The following HPCAL1 variants were observed in gnomAD, a reference collection of about 807,000 sequenced individuals.
HPCAL1 encodes hippocalcin like 1.
A neutral mutation model predicts 17.1 loss-of-function variants in HPCAL1; 8 were observed. The ratio of observed to expected loss-of-function variants is 0.47; its 90% confidence interval spans 0.27 to 0.84. The LOEUF (loss-of-function observed/expected upper bound fraction) is 0.84. HPCAL1 is among the 40% of genes least tolerant of loss of function. The pLI, the probability that HPCAL1 is intolerant of heterozygous loss-of-function variation, is 0.13. For missense variants in HPCAL1, 165 were observed against 271.1 expected (o/e 0.61, Z 2.75); for synonymous variants, 112 against 111.4 (o/e 1.01, Z -0.03).
At position 10,304,349 on chromosome 2, in the gene HPCAL1, C is replaced by A. The variant is rs1292175258; in HGVS notation, c.-111+1172C>A. On this transcript the variant is annotated intron_variant, in intron 1 of 4. Coordinates refer to ENST00000307845, the MANE Select transcript of HPCAL1 (RefSeq NM_002149.4). This position sits in a 1 kb window ranked among gnomAD's most constrained non-coding sequence, Gnocchi z 4.1. ...CGGCGTAAAATTGGCGCTTCCCGCA[C>A]ATGCAGATCTCGGGCTCCCGGGGTG... Among the ~76,000 whole-genome samples the A allele has an allele frequency of 6.6e-6, 1 of 152,242 alleles. No individual in the cohort carries two copies. Among genetic ancestry groups the A allele is most frequent in the East Asian group, 1.9e-4 (1 of 5,182 alleles).
Position 10,427,058 on chromosome 2 carries a change from A to C in HPCAL1, c.*237A>C, listed in dbSNP as rs1453993076. On this transcript the variant is annotated 3_prime_UTR_variant, in exon 5 of 5. Coordinates refer to ENST00000307845, the MANE Select transcript of HPCAL1 (RefSeq NM_002149.4). ...GGGCAACTCCCAGGGATGTGGTGAC[A>C]TGCAGGGTTCAAGTGTTCTTGGTTC... 12 of 537,864 alleles carry C rather than the reference A, an allele frequency of 2.2e-5. No homozygotes were observed. The South Asian group carries it at 2.2e-4, about 10-fold the overall frequency. The allele number at this position is 537,864 out of a possible 1,614,324, so 33.3% of individuals were successfully genotyped here. A position where few individuals can be genotyped will look rare whatever the true frequency, so the allele number is the denominator to read the frequency against.
chr2:10,357,681 T>C (rs1666250111), intron 1 of HPCAL1, among the ~76,000 whole-genome samples: 1 of 152,180 alleles, frequency 6.6e-6, no homozygotes, highest in Non-Finnish European at 1.5e-5. Flanking sequence ...GAGGTGTTTG[T>C]AGAACAGTTA....
Position 10,395,319 on chromosome 2 carries a change from C to A in HPCAL1, c.-110-1516C>A, listed in dbSNP as rs1003576803. 5.9e-5 allele frequency among the ~76,000 whole-genome samples: 9 copies of A among 152,146 alleles called. No individual in the cohort carries two copies. The highest frequency in any genetic ancestry group is 2.2e-4 in the African/African-American group (9 of 41,424). On this transcript the variant is annotated intron_variant, in intron 1 of 4. Transcript: ENST00000307845. This position sits in a 1 kb window ranked among gnomAD's most constrained non-coding sequence, Gnocchi z 4.4. ...TAGAAATTTAACTCTGAGCAAGATA[C>A]ACCCTATTTCCAATCACACGTGATG...
Position 10,404,017 on chromosome 2 carries a change from TC to T in HPCAL1, c.-25+7098del, listed in dbSNP as rs533074140. On this transcript the variant is annotated intron_variant, in intron 2 of 4. Coordinates refer to ENST00000307845, the MANE Select transcript of HPCAL1 (RefSeq NM_002149.4). ...GTTAATGTACCCATTTGTTCCATATTCTGTTTGTTCTTTATTGCTCTATACA... is the reference window on the plus strand; with the variant it reads ...GTTAATGTACCCATTTGTTCCATATTTGTTTGTTCTTTATTGCTCTATACA... Among the ~76,000 whole-genome samples, 799 of 152,280 alleles carry T rather than the reference TC, an allele frequency of 5.2e-3. 8 individuals carry two copies. Among genetic ancestry groups the T allele is most frequent in the African/African-American group, 0.018 (757 of 41,544 alleles).
intron 1 of HPCAL1, among the ~76,000 whole-genome samples, chr2:10,327,040 G>T (rs1412591751): frequency 1.3e-5 from 2 of 152,198 alleles, no homozygotes; most frequent in Non-Finnish European, 2.9e-5. Flanking sequence ...GCCAGAGCAT[G>T]TTGAAGTGAC....
At chr2:10,381,189 A>T (rs1558502598) in intron 1 of HPCAL1, among the ~76,000 whole-genome samples, 3 of 152,216 alleles carry the variant, frequency 2.0e-5, no homozygotes, top group Admixed American at 2.0e-4. Flanking sequence ...CAGGAGATGC[A>T]TGTATCTGTG....
chr2:10,385,973 A>C (rs1285942414), intron 1 of HPCAL1, among the ~76,000 whole-genome samples: 2 of 151,998 alleles, frequency 1.3e-5, no homozygotes, highest in Non-Finnish European at 2.9e-5. Context: ...CTGGCCACTG[A>C]GCATGTGCTG....
chr2:10,304,322 C>T lies in HPCAL1; in HGVS notation c.-111+1145C>T, dbSNP rs1662474427. Among the ~76,000 whole-genome samples the T allele has an allele frequency of 6.6e-6, 1 of 152,234 alleles. No individual in the cohort carries two copies. Among genetic ancestry groups the T allele is most frequent in the African/African-American group, 2.4e-5 (1 of 41,474 alleles). On this transcript the variant is annotated intron_variant, in intron 1 of 4. Coordinates refer to ENST00000307845, the MANE Select transcript of HPCAL1 (RefSeq NM_002149.4). This position sits in a 1 kb window ranked among gnomAD's most constrained non-coding sequence, Gnocchi z 4.1. Reference sequence around the variant, plus strand: ...AGCTCAGCTCGTGGAGTCCGAGAGTCACGGCGTAAAATTGGCGCTTCCCGC... The same window carrying T: ...AGCTCAGCTCGTGGAGTCCGAGAGTTACGGCGTAAAATTGGCGCTTCCCGC...
chr2:10,318,321 A>G (rs1558453237), intron 1 of HPCAL1, among the ~76,000 whole-genome samples: 2 of 144,610 alleles, frequency 1.4e-5, no homozygotes, highest in Non-Finnish European at 3.0e-5. Flanking sequence ...GACTCCCCCA[A>G]CCCCAGCTCG....
intron 1 of HPCAL1, among the ~76,000 whole-genome samples, chr2:10,334,327 G>GT (rs35521200): frequency 1.7e-4 from 25 of 150,856 alleles, no homozygotes; most frequent in African/African-American, 5.1e-4. Flanking sequence ...GTTTTGTTTT[G>GT]TTTTTTAAAC....
rs182826336 is a variant in HPCAL1, at chr2:10,408,389, G to T, written c.-24-11345G>T. ...TTTCGGTTGGATTTCTCAACAACAG[G>T]TCATTGGCCTGGAGCCCCTCCAGTG... On this transcript the variant is annotated intron_variant, in intron 2 of 4. Coordinates refer to ENST00000307845, the MANE Select transcript of HPCAL1 (RefSeq NM_002149.4). Among the ~76,000 whole-genome samples the T allele has an allele frequency of 2.0e-3, 309 of 152,330 alleles. 2 individuals carry two copies. Among genetic ancestry groups the T allele is most frequent in the African/African-American group, 7.1e-3 (296 of 41,570 alleles).
chr2:10,407,008 G>A (rs1223946117), intron 2 of HPCAL1, among the ~76,000 whole-genome samples: 3 of 152,074 alleles, frequency 2.0e-5, no homozygotes, highest in African/African-American at 4.8e-5. Context: ...ACTCAAGCTG[G>A]AGTGATGTTC....
intron 2 of HPCAL1, among the ~76,000 whole-genome samples, chr2:10,410,053 T>C (rs1670251719): frequency 6.6e-6 from 1 of 152,090 alleles, no homozygotes; most frequent in Non-Finnish European, 1.5e-5. Flanking sequence ...CCTCCTGAAG[T>C]GCTGGGATGA....
chr2:10,372,489 C>T (rs922687198), intron 1 of HPCAL1, among the ~76,000 whole-genome samples: 13 of 152,146 alleles, frequency 8.5e-5, no homozygotes, highest in African/African-American at 3.1e-4. Flanking sequence ...GGCTGTGACA[C>T]ACCCAGCAAC....
intron 1 of HPCAL1, among the ~76,000 whole-genome samples, chr2:10,346,741 AC>A (rs2125453954): frequency 6.6e-6 from 1 of 152,240 alleles, no homozygotes; most frequent in South Asian, 2.1e-4. Flanking sequence ...CCATGATAGT[AC>A]AAAAACGAGA....
rs1380979376 is a variant in HPCAL1 at position 10,427,459 on chromosome 2, CTT to C, written c.*640_*641del. On this transcript the variant is annotated 3_prime_UTR_variant, in exon 5 of 5. Transcript: ENST00000307845. ...GGCTGTTGTGTGGTATTTATGCTCT[CTT>C]TGTCTGCCTGTTTCTAAGGAAATGC... is the stretch of plus-strand genomic sequence containing the variant. The C allele has an allele frequency of 1.3e-5, 2 of 152,360 alleles. No homozygotes were observed. Among genetic ancestry groups the C allele is most frequent in the Non-Finnish European group, 2.9e-5 (2 of 68,170 alleles). The allele number at this position is 152,360 out of a possible 1,614,324, so 9.4% of individuals were successfully genotyped here.
chr2:10,335,813 T>C (rs1664679842), intron 1 of HPCAL1, among the ~76,000 whole-genome samples: 1 of 152,260 alleles, frequency 6.6e-6, no homozygotes, highest in Admixed American at 6.5e-5. Context: ...CTGAACACTC[T>C]GATGGGTGTA....
chr2:10,423,033 C>T lies in HPCAL1; in HGVS notation c.429C>T (p.Ser143=), dbSNP rs201933160. ...TGATGAAGATGCCGGAGGATGAGTC[C>T]ACCCCGGAGAAGCGCACAGACAAGA... ...SSVMKMPEDE[S]TPEKRTDKIF... Residue 143 remains serine, a synonymous_variant, in exon 4 of 5, where the codon TCC becomes TCT. Transcript: ENST00000307845. 1 of 1,613,614 alleles carries T rather than the reference C, an allele frequency of 6.2e-7. No homozygotes were observed. The highest frequency in any genetic ancestry group is 1.3e-5 in the African/African-American group (1 of 75,070).
chr2:10,426,795 G>A lies in HPCAL1; in HGVS notation c.556G>A (p.Asp186Asn), dbSNP rs764766246. ...CTCCATCGTCCGCCTGCTGCAGTGC[G>A]ACCCCAGCAGTGCCAGTCAGTTCTG... is the stretch of plus-strand genomic sequence containing the variant. ...DPSIVRLLQC[D>N]PSSASQF The change falls in exon 5 of 5, where the codon GAC (aspartate) becomes AAC (asparagine). Residue 186 changes from aspartate to asparagine, a missense_variant. By Grantham distance (23) the Asp-to-Asn change is conservative. Transcript: ENST00000307845. The A allele has an allele frequency of 1.5e-5, 25 of 1,613,150 alleles. No homozygotes were observed. The highest frequency in any genetic ancestry group is 2.7e-5 in the African/African-American group (2 of 74,920).
Sources: allele counts gnomAD v4.1 joint callset (sites outside exome capture counted in the v4.1 genomes callset), GRCh38; gene constraint gnomAD v4.1.1; non-coding constraint Gnocchi (gnomAD v3.1); transcripts MANE v1.5; gene names NCBI Gene and HGNC (gene_info 2026-07-23, HGNC 2026-07-21).